The following FBXW10 variants were observed in gnomAD, a reference collection of about 807,000 sequenced individuals.
The protein encoded by FBXW10 is F-box and WD repeat domain containing 10, also known as F-box/WD repeat-containing protein 10.
A neutral mutation model predicts 113.1 loss-of-function variants in FBXW10; 68 were observed. That is an observed-to-expected ratio of 0.60 (90% CI 0.49 to 0.74). FBXW10 has a LOEUF of 0.74. Among genes scored for constraint, FBXW10 ranks in the 30% least tolerant of loss-of-function variants. The pLI, the probability that FBXW10 is intolerant of heterozygous loss-of-function variation, is 0.00. For synonymous variants in FBXW10, 289 were observed against 481.6 expected, an observed-to-expected ratio of 0.60 and a Z score of 5.24; for missense variants, 753 against 1,284.5, an observed-to-expected ratio of 0.59 and a Z score of 6.32.
chr17:18,746,138 C>T (rs1404066528), intron 1 of FBXW10, among the ~76,000 whole-genome samples: 3 of 152,040 alleles, frequency 2.0e-5, no homozygotes, highest in Non-Finnish European at 2.9e-5. Flanking sequence ...ATTAATAGAG[C>T]GAGAACTCAC....
At chr17:18,774,518 G>A (rs541840819) in intron 12 of FBXW10, among the ~76,000 whole-genome samples, 2 of 152,256 alleles carry the variant, frequency 1.3e-5, no homozygotes, top group Non-Finnish European at 2.9e-5. Context: ...GTATAGCCGG[G>A]CGCAGTGACT....
chr17:18,763,588 C>A (rs2035428253), intron 7 of FBXW10, among the ~76,000 whole-genome samples: 1 of 152,092 alleles, frequency 6.6e-6, no homozygotes, highest in Non-Finnish European at 1.5e-5. Context: ...TTCTCCAGAA[C>A]CATTATCTCA....
In FBXW10 at chr17:18,774,290, T is replaced by C. The variant is rs192197593; in HGVS notation, c.2279-846T>C. On this transcript the variant is annotated intron_variant, in intron 12 of 13. Transcript: ENST00000395665. ...TCACGCACCAGAGCAGGAAAACAGC[T>C]GCGCTATGTGACTCAGTTTCCAGGG... is the stretch of plus-strand genomic sequence containing the variant. Among the ~76,000 whole-genome samples the C allele has an allele frequency of 1.8e-3, 274 of 152,348 alleles. 2 individuals are homozygous for C. Among genetic ancestry groups the C allele is most frequent in the African/African-American group, 6.1e-3 (252 of 41,586 alleles).
In FBXW10 at chr17:18,757,065, TAC is replaced by T. The variant is rs912119439; in HGVS notation, c.1232+921_1232+922del. ...CTCCTTATATATATGTGTGTACATA[TAC>T]ACACACACATATATATATACACATA... is the stretch of plus-strand genomic sequence containing the variant. On this transcript the variant is annotated intron_variant, in intron 6 of 13. Transcript: ENST00000395665. Among the ~76,000 whole-genome samples, 8 of 152,186 alleles carry T rather than the reference TAC, an allele frequency of 5.3e-5. No individual in the cohort carries two copies. The South Asian group carries it at 1.0e-3, about 20-fold the overall frequency.
In FBXW10 at chr17:18,747,510, C is replaced by G. The variant is rs546873625; in HGVS notation, c.506-431C>G. On this transcript the variant is annotated intron_variant, in intron 1 of 13. Coordinates refer to ENST00000395665, the MANE Select transcript of FBXW10 (RefSeq NM_001267585.2). ...GGCGGAGGTTGCAGTGAGCCAAGACCGAGCCATTGCACTCCACCCTGGGCA... is the reference window on the plus strand; with the variant it reads ...GGCGGAGGTTGCAGTGAGCCAAGACGGAGCCATTGCACTCCACCCTGGGCA... 8.9e-3 allele frequency among the ~76,000 whole-genome samples: 1,358 copies of G among 152,106 alleles called. 9 individuals carry two copies. The highest frequency in any genetic ancestry group is 0.026 in the African/African-American group (1,089 of 41,482).
In FBXW10 at chr17:18,778,459, C is replaced by A; in HGVS notation, c.2336-16C>A. 1.9e-6 allele frequency: 3 copies of A among 1,593,294 alleles called. No individual in the cohort carries two copies. Among genetic ancestry groups the A allele is most frequent in the African/African-American group, 2.7e-5 (2 of 73,156 alleles). On this transcript the variant is annotated splice_polypyrimidine_tract_variant and intron_variant, in intron 13 of 13. Transcript: ENST00000395665. The stretch of plus-strand genomic sequence containing the variant: ...TAGAACGCCGATTTTTTAAAATTTT[C>A]TTTTTTTTGAAAAAGCAGATGATGT...
chr17:18,776,971 A>G (rs1176667508), intron 13 of FBXW10, among the ~76,000 whole-genome samples: 1 of 152,014 alleles, frequency 6.6e-6, no homozygotes, highest in Non-Finnish European at 1.5e-5. Context: ...CAATGAGCTC[A>G]TCACAATTCC....
chr17:18,761,962 T>A (rs3032059), intron 7 of FBXW10, among the ~76,000 whole-genome samples: 33,696 of 151,918 alleles, frequency 0.22, 4,141 homozygotes, highest in East Asian at 0.54. Context: ...TTTTTCTTTT[T>A]CTTTTTCTTT....
At chr17:18,751,360 G>T (rs2035167158) in intron 5 of FBXW10, among the ~76,000 whole-genome samples, 1 of 151,972 alleles carries the variant, frequency 6.6e-6, no homozygotes, top group African/African-American at 2.4e-5. Flanking sequence ...TGAGTAGCTG[G>T]GACTACAGGA....
chr17:18,762,613 C>CGCCCG (rs1304474145), intron 7 of FBXW10, among the ~76,000 whole-genome samples: 1 of 152,118 alleles, frequency 6.6e-6, no homozygotes, highest in Non-Finnish European at 1.5e-5. Flanking sequence ...TGAGCCACCA[C>CGCCCG]GCCCGGCCGA....
intron 2 of FBXW10, among the ~76,000 whole-genome samples, chr17:18,748,950 A>G (rs1190984352): frequency 2.6e-5 from 4 of 152,194 alleles, no homozygotes; most frequent in South Asian, 2.1e-4. Flanking sequence ...CGGAAACACA[A>G]TATCATAGGA....
chr17:18,751,415 G>A lies in FBXW10; in HGVS notation c.1122+362G>A, dbSNP rs1420721755. Reference sequence around the variant, plus strand: ...TAATTTTTTGTATTTTTTTTTTAGTGGAGGCGGGGTTTCACCGTGTTAGCC... The same window carrying A: ...TAATTTTTTGTATTTTTTTTTTAGTAGAGGCGGGGTTTCACCGTGTTAGCC... On this transcript the variant is annotated intron_variant, in intron 5 of 13. Transcript: ENST00000395665. Among the ~76,000 whole-genome samples the A allele has an allele frequency of 4.2e-3, 631 of 151,728 alleles. 4 individuals are homozygous for A. Among genetic ancestry groups the A allele is most frequent in the African/African-American group, 0.014 (560 of 41,314 alleles).
intron 7 of FBXW10, among the ~76,000 whole-genome samples, chr17:18,759,618 T>G: frequency 7.6e-6 from 1 of 131,774 alleles, no homozygotes; most frequent in Admixed American, 8.1e-5. Context: ...TCTAGTTTTT[T>G]GTTTTTTTTT....
chr17:18,766,631 T>G, intron 8 of FBXW10, 83 bp from the exon 9 acceptor site: 2 of 1,446,518 alleles, frequency 1.4e-6, no homozygotes, highest in Non-Finnish European at 9.4e-7. Context: ...GCTTCTGTGA[T>G]GGGGAGCAGA....
chr17:18,764,785 G>A lies in FBXW10; in HGVS notation c.1477G>A (p.Gly493Ser). ...TGGGGTTTGCACACGAATCTTCGGT[G>A]GTCACCAGGGGACTATCACTTGCAT... ...KSGVCTRIFG[G>S]HQGTITCMDL... Residue 493 changes from glycine (G) to serine (S), a missense_variant, in exon 8 of 14, where the codon GGT becomes AGT. Transcript: ENST00000395665. 1 of 1,613,920 alleles carries A rather than the reference G, an allele frequency of 6.2e-7. No homozygotes were observed. The highest frequency in any genetic ancestry group is 8.5e-7 in the Non-Finnish European group (1 of 1,179,852).
intron 1 of FBXW10, among the ~76,000 whole-genome samples, chr17:18,745,631 G>A (rs1047294519): frequency 6.6e-6 from 1 of 152,086 alleles, no homozygotes; most frequent in African/African-American, 2.4e-5. Flanking sequence ...GGCCAGGCTG[G>A]TCTCGGACTC....
At chr17:18,746,568 G>A (rs941573210) in intron 1 of FBXW10, among the ~76,000 whole-genome samples, 2 of 152,178 alleles carry the variant, frequency 1.3e-5, no homozygotes, top group Non-Finnish European at 2.9e-5. Flanking sequence ...GGTGTGTCAG[G>A]GGTATAGAAG....
At chr17:18,765,312 A>G (rs1413580229) in intron 8 of FBXW10, among the ~76,000 whole-genome samples, 2 of 152,214 alleles carry the variant, frequency 1.3e-5, no homozygotes, top group Non-Finnish European at 2.9e-5. Context: ...AATTTTATAA[A>G]TGGGCCAAGA....
intron 12 of FBXW10, among the ~76,000 whole-genome samples, chr17:18,774,564 C>T (rs965458737): frequency 2.6e-5 from 4 of 152,092 alleles, no homozygotes; most frequent in Non-Finnish European, 4.4e-5. Flanking sequence ...GAGGCTGAGG[C>T]GGGTGGATCA....
Sources: gnomAD v4.1 joint callset for allele counts (sites outside exome capture counted in the v4.1 genomes callset) on GRCh38, gnomAD v4.1.1 for gene constraint, MANE v1.5 for transcripts, NCBI Gene and HGNC (gene_info 2026-07-23, HGNC 2026-07-21) for gene names.